SP6: variants seen among roughly 807,000 people sequenced by gnomAD.
SP6 encodes the protein Sp6 transcription factor.
SP6 carries 10 observed loss-of-function variants against 23.4 expected under a neutral mutation model. That is an observed-to-expected ratio of 0.43 (90% CI 0.26 to 0.72). SP6 has a LOEUF of 0.72. Ranked by LOEUF, SP6 falls within the 30% of genes least tolerant of loss-of-function variation. SP6 has a pLI of 0.23. For missense variants in SP6, 482 were observed against 523.8 expected, an observed-to-expected ratio of 0.92 and a Z score of 0.78; for synonymous variants, 238 against 238.7, an observed-to-expected ratio of 1.00 and a Z score of 0.03.
chr17:47,859,244 T>G (rs775037909), upstream of SP6, among the ~76,000 whole-genome samples: 2 of 152,208 alleles, frequency 1.3e-5, no homozygotes, highest in African/African-American at 4.8e-5. Context: ...ATGGATTTAA[T>G]GTTCACCAAA....
upstream of SP6, among the ~76,000 whole-genome samples, chr17:47,851,810 A>T (rs893903500): frequency 4.0e-5 from 6 of 149,316 alleles, no homozygotes; most frequent in Non-Finnish European, 3.0e-5. Flanking sequence ...CTTCCGGGGT[A>T]TCCCTCTCTG....
upstream of SP6, among the ~76,000 whole-genome samples, chr17:47,856,474 G>A (rs1295797333): frequency 5.9e-5 from 9 of 152,186 alleles, no homozygotes; most frequent in Admixed American, 5.9e-4. Context: ...AACTCCAGGA[G>A]GGTGAAGAGG....
At chr17:47,854,731 A>G (rs148324854), upstream of SP6, among the ~76,000 whole-genome samples, 15 of 152,278 alleles carry the variant, frequency 9.9e-5, no homozygotes, top group African/African-American at 2.4e-4. Flanking sequence ...TCTAGCCCCA[A>G]ATTGTCTCGT....
chr17:47,852,262 CA>C (rs1339945259), upstream of SP6, among the ~76,000 whole-genome samples: 4 of 152,120 alleles, frequency 2.6e-5, no homozygotes, highest in Non-Finnish European at 4.4e-5. Flanking sequence ...GCGGAGCTCA[CA>C]AAAACTTCCC....
the SP6 span, among the ~76,000 whole-genome samples, chr17:47,868,220 G>A: frequency 6.6e-6 from 1 of 152,158 alleles, no homozygotes; most frequent in Non-Finnish European, 1.5e-5. Context: ...TCACCCAAGT[G>A]GTCCCTCACA....
At chr17:47,859,615 A>G (rs1006234169), upstream of SP6, among the ~76,000 whole-genome samples, 4 of 152,234 alleles carry the variant, frequency 2.6e-5, no homozygotes, top group Admixed American at 2.0e-4. Flanking sequence ...AGCTTCCAGA[A>G]GCTCCTCAGC....
At chr17:47,859,450 T>G (rs188005010), upstream of SP6, among the ~76,000 whole-genome samples, 1 of 152,244 alleles carries the variant, frequency 6.6e-6, no homozygotes, top group African/African-American at 2.4e-5. Context: ...TCTGCTTCCA[T>G]GGGCTTGTTT....
Position 47,847,250 on chromosome 17 carries a change from C to G in SP6, c.*49G>C, listed in dbSNP as rs755873970. On this transcript the variant is annotated 3_prime_UTR_variant, in exon 2 of 2. Transcript: ENST00000536300. ...CCCAAGGACGTCAGACCTGGGGGCT[C>G]GCATCCAGTGCCCCCCGGGATACCC... is the stretch of plus-strand genomic sequence containing the variant. 3.4e-6 allele frequency: 5 copies of G among 1,454,708 alleles called. No homozygotes were observed. The highest frequency in any genetic ancestry group is 2.6e-5 in the Admixed American group (1 of 38,028). The allele number at this position is 1,454,708 out of a possible 1,614,324, so 90.1% of individuals were successfully genotyped here. A position where few individuals can be genotyped will look rare whatever the true frequency, so the allele number is the denominator to read the frequency against.
Position 47,847,765 on chromosome 17 carries a change from C to T in SP6, c.665G>A (p.Ser222Asn), listed in dbSNP as rs1162599063. 2 of 1,557,746 alleles carry T rather than the reference C, an allele frequency of 1.3e-6. No homozygotes were observed. The highest frequency in any genetic ancestry group is 2.7e-5 in the African/African-American group (2 of 73,360). Residue 222 changes from serine to asparagine, a missense_variant, in exon 2 of 2, where the codon AGC (serine) becomes AAC (asparagine). Physicochemically the swap from Ser to Asn is conservative, Grantham distance 46 (BLOSUM62 1). This residue lies in a region of SP6 where 330 missense variants were observed against 332.3 expected (regional missense o/e 0.99). Transcript: ENST00000536300. ...GCAGCGACAGACGGTCTGGCCTGAGCTGCGGGGCACCGACCGCCGGGAGCC... is the reference window on the plus strand; with the variant it reads ...GCAGCGACAGACGGTCTGGCCTGAGTTGCGGGGCACCGACCGCCGGGAGCC... ...PKGSRRSVPR[S>N]SGQTVCRCPN...
In SP6 at chr17:47,847,344, G is replaced by T. The variant is rs764099286; in HGVS notation, c.1086C>A (p.Gly362=). The T allele has an allele frequency of 6.3e-7, 1 of 1,596,542 alleles. No individual in the cohort carries two copies. The highest frequency in any genetic ancestry group is 8.5e-7 in the Non-Finnish European group (1 of 1,171,718). Residue 362 remains glycine (G), a synonymous_variant, in exon 2 of 2, where the codon GGC becomes GGA. Coordinates refer to ENST00000536300, the MANE Select transcript of SP6 (RefSeq NM_001258248.2). ...KAGGAVEPPG[G]KGKREAEGSV... Reference sequence around the variant, plus strand: ...TGCCCTCGGCCTCGCGTTTGCCTTTGCCCCCGGGGGGCTCCACTGCGCCGC... The same window carrying T: ...TGCCCTCGGCCTCGCGTTTGCCTTTTCCCCCGGGGGGCTCCACTGCGCCGC...
chr17:47,862,471 G>GCAC, the SP6 span, among the ~76,000 whole-genome samples: 2 of 144,310 alleles, frequency 1.4e-5, no homozygotes, highest in Non-Finnish European at 3.0e-5. Context: ...TCGCAACACT[G>GCAC]CACTCCAGCC....
At chr17:47,859,545 T>C (rs1039281442), upstream of SP6, among the ~76,000 whole-genome samples, 2 of 152,186 alleles carry the variant, frequency 1.3e-5, no homozygotes, top group African/African-American at 2.4e-5. Context: ...AGCCTTTCTT[T>C]GAGAAAGGGA....
the SP6 span, among the ~76,000 whole-genome samples, chr17:47,866,500 A>AATGG: frequency 6.6e-6 from 1 of 152,168 alleles, no homozygotes; most frequent in East Asian, 1.9e-4. Context: ...GACGCAGGCA[A>AATGG]ATGGGAGGGC....
upstream of SP6, among the ~76,000 whole-genome samples, chr17:47,858,191 C>G (rs2034012228): frequency 6.6e-6 from 1 of 152,120 alleles, no homozygotes. Context: ...CCCCAGAGGC[C>G]CATCTCCTAC....
At chr17:47,866,830 T>C in the SP6 span, among the ~76,000 whole-genome samples, 1 of 151,984 alleles carries the variant, frequency 6.6e-6, no homozygotes, top group African/African-American at 2.4e-5. Context: ...CTGGTGGCCA[T>C]TGGAGGCTTG....
At chr17:47,857,503 G>T (rs950352883), upstream of SP6, among the ~76,000 whole-genome samples, 6 of 152,114 alleles carry the variant, frequency 3.9e-5, no homozygotes, top group Non-Finnish European at 7.4e-5. Flanking sequence ...TTGGGGTTGG[G>T]GGGGAGTTTG....
At chr17:47,869,930 A>C in the SP6 span, among the ~76,000 whole-genome samples, 2 of 152,262 alleles carry the variant, frequency 1.3e-5, no homozygotes, top group African/African-American at 2.4e-5. Context: ...TTACATATCA[A>C]GCCAATACTT....
At chr17:47,873,658 G>A in the SP6 span, among the ~76,000 whole-genome samples, 2 of 152,126 alleles carry the variant, frequency 1.3e-5, no homozygotes, top group African/African-American at 2.4e-5. Context: ...CCCTCCCTGC[G>A]TCAGGGCCAT....
Position 47,848,601 on chromosome 17 carries a change from G to C in SP6, c.-57-115C>G, listed in dbSNP as rs2033923287. ...AAAGAAGGATGCACCTCTGAACGAG[G>C]ACTAGAGATGAGTTTAGAGAATTCG... On this transcript the variant is annotated intron_variant, in intron 1 of 1. Transcript: ENST00000536300. This position sits in a 1 kb window ranked among gnomAD's most constrained non-coding sequence, Gnocchi z 5.3. The C allele has an allele frequency of 5.0e-6, 3 of 603,042 alleles. No individual in the cohort carries two copies. The highest frequency in any genetic ancestry group is 5.8e-6 in the Non-Finnish European group (2 of 345,600). 37.4% of individuals were successfully genotyped at this position (603,042 alleles called of 1,614,324 possible).
Sources: gnomAD v4.1 joint callset for allele counts (sites outside exome capture counted in the v4.1 genomes callset) on GRCh38, gnomAD v4.1.1 for gene constraint, gnomAD v4.1.1 regional missense constraint, Gnocchi (gnomAD v3.1) non-coding constraint, MANE v1.5 for transcripts, NCBI Gene and HGNC (gene_info 2026-07-23, HGNC 2026-07-21) for gene names.